ATP8B4: variants seen among roughly 807,000 people sequenced by gnomAD.
ATP8B4 encodes the protein probable phospholipid-transporting ATPase IM.
In ATP8B4, 133 loss-of-function variants were observed where a neutral mutation model predicts 145.6. That is an observed-to-expected ratio of 0.91 (90% CI 0.79 to 1.05). The LOEUF is 1.05. Ranked by LOEUF, ATP8B4 falls within the 50% of genes least tolerant of loss-of-function variation. The pLI is 0.00. For missense variants in ATP8B4, 1,458 were observed against 1,425.2 expected (o/e 1.02, Z -0.37); for synonymous variants, 507 against 492.9 (o/e 1.03, Z -0.38).
intron 9 of ATP8B4, among the ~76,000 whole-genome samples, chr15:49,992,304 C>T (rs1431609100): frequency 6.6e-6 from 1 of 152,114 alleles, no homozygotes; most frequent in South Asian, 2.1e-4. Flanking sequence ...AGGGATGAGC[C>T]CTTGTTCAAG....
intron 23 of ATP8B4, chr15:49,880,111 C>T (rs187819148): frequency 3.9e-5 from 6 of 152,280 alleles, no homozygotes; most frequent in Admixed American, 3.9e-4. Context: ...GAAACAGAAC[C>T]TTTCGGTTAC....
At chr15:49,876,576 C>G in intron 24 of ATP8B4, 53 bp from the exon 25 acceptor site, 4 of 1,602,350 alleles carry the variant, frequency 2.5e-6, no homozygotes, top group Non-Finnish European at 3.4e-6. Flanking sequence ...GTCAGAGAGG[C>G]CTTGTATTCC....
At chr15:49,998,098 A>G (rs2413998) in intron 8 of ATP8B4, among the ~76,000 whole-genome samples, 10,190 of 152,250 alleles carry the variant, frequency 0.067, 528 homozygotes, top group African/African-American at 0.14. Context: ...TACGTCATGT[A>G]ATTTATCAAA....
At position 50,038,822 on chromosome 15, in the gene ATP8B4, T is replaced by C. The variant is rs1272093101; in HGVS notation, c.308A>G (p.His103Arg). ...ATTATTCACTTGATTATCACTCTTG[T>C]GGCGAAACTGAAAAATCAAAGTGTT... ...VKDATDDYFRHKSDNQVNNRQ... is the reference protein window; with the variant it reads ...VKDATDDYFRRKSDNQVNNRQ... Residue 103 changes from histidine (H) to arginine (R), a missense_variant, in exon 6 of 28, where the codon CAC becomes CGC. By Grantham distance (29) the His-to-Arg change is conservative (BLOSUM62 0). Transcript: ENST00000284509. The C allele has an allele frequency of 6.2e-6, 10 of 1,613,430 alleles. No homozygotes were observed. Among genetic ancestry groups the C allele is most frequent in the Non-Finnish European group, 7.6e-6 (9 of 1,179,542 alleles).
chr15:49,912,584 C>T (rs1257933201), intron 20 of ATP8B4, among the ~76,000 whole-genome samples: 2 of 151,974 alleles, frequency 1.3e-5, no homozygotes, highest in African/African-American at 4.8e-5. Flanking sequence ...CAGATTCTAC[C>T]AAACATGTAA....
Position 50,137,733 on chromosome 15 carries a change from G to A in ATP8B4, c.-42-30725C>T, listed in dbSNP as rs115994478. Among the ~76,000 whole-genome samples, 293 of 152,282 alleles carry A rather than the reference G, an allele frequency of 1.9e-3. 2 individuals carry two copies. The highest frequency in any genetic ancestry group is 6.5e-3 in the African/African-American group (271 of 41,546). On this transcript the variant is annotated intron_variant, in intron 1 of 3. Transcript: ENST00000558829. ...ACGATGCTTCTTCTTGTGAAGTGAC[G>A]CACATGATCCTTAGAGACATATACA...
intron 6 of ATP8B4, among the ~76,000 whole-genome samples, chr15:50,035,346 A>G (rs2050754805): frequency 6.6e-6 from 1 of 152,224 alleles, no homozygotes; most frequent in Non-Finnish European, 1.5e-5. Context: ...CTACATATAT[A>G]TTACATAATG....
chr15:50,004,559 T>C (rs1449107672), intron 7 of ATP8B4, among the ~76,000 whole-genome samples: 1 of 152,220 alleles, frequency 6.6e-6, no homozygotes, highest in African/African-American at 2.4e-5. Flanking sequence ...GTGTTTATGA[T>C]TCCAAATAAC....
At chr15:50,093,627 C>A (rs1164433660) in intron 2 of ATP8B4, among the ~76,000 whole-genome samples, 2 of 151,868 alleles carry the variant, frequency 1.3e-5, no homozygotes, top group East Asian at 3.9e-4. Context: ...TAAGATAATG[C>A]ATTTATTTTA....
At chr15:50,097,539 T>A (rs1264050414) in intron 2 of ATP8B4, among the ~76,000 whole-genome samples, 1 of 152,210 alleles carries the variant, frequency 6.6e-6, no homozygotes, top group African/African-American at 2.4e-5. Flanking sequence ...AGCAGGTATA[T>A]AAACTTCAAC....
intron 25 of ATP8B4, among the ~76,000 whole-genome samples, chr15:49,869,429 A>T (rs2153383197): frequency 6.6e-6 from 1 of 152,248 alleles, no homozygotes; most frequent in East Asian, 1.9e-4. Flanking sequence ...ATTGGCCCAG[A>T]TTATGTATCA....
Position 50,148,752 on chromosome 15 carries a change from G to A in ATP8B4, c.-43+33509C>T, listed in dbSNP as rs139939418. The stretch of plus-strand genomic sequence containing the variant: ...AACACAGATATTATTGAAGTAATTC[G>A]AAAACTGAATAAGAATTCATATTAG... On this transcript the variant is annotated intron_variant, in intron 1 of 3. Coordinates refer to the ATP8B4 transcript ENST00000558829. 7.2e-3 allele frequency among the ~76,000 whole-genome samples: 1,093 copies of A among 152,170 alleles called. 8 individuals carry two copies. The highest frequency in any genetic ancestry group is 0.025 in the African/African-American group (1,026 of 41,506).
intron 13 of ATP8B4, among the ~76,000 whole-genome samples, chr15:49,969,967 A>T (rs374507297): frequency 1.1e-4 from 17 of 152,342 alleles, no homozygotes; most frequent in Admixed American, 2.6e-4. Context: ...GTGGTTCAAC[A>T]TATGCAAACC....
intron 14 of ATP8B4, among the ~76,000 whole-genome samples, chr15:49,953,200 G>T (rs2043251565): frequency 6.6e-6 from 1 of 151,996 alleles, no homozygotes; most frequent in Non-Finnish European, 1.5e-5. Flanking sequence ...GTGGCATGGG[G>T]AGCAGGACCC....
At chr15:50,063,774 G>A (rs374942147) in intron 3 of ATP8B4, among the ~76,000 whole-genome samples, 1 of 152,082 alleles carries the variant, frequency 6.6e-6, no homozygotes, top group Non-Finnish European at 1.5e-5. Flanking sequence ...AGGAATAGCA[G>A]GTGATTTTCC....
chr15:50,067,495 C>T (rs2053461919), intron 3 of ATP8B4, among the ~76,000 whole-genome samples: 1 of 152,172 alleles, frequency 6.6e-6, no homozygotes, highest in South Asian at 2.1e-4. Context: ...TTCCCACTTC[C>T]TCTGGCAAAA....
intron 14 of ATP8B4, among the ~76,000 whole-genome samples, chr15:49,953,894 TCA>T (rs1181949929): frequency 1.3e-5 from 2 of 152,190 alleles, no homozygotes; most frequent in African/African-American, 4.8e-5. Context: ...GGTAGCGTGC[TCA>T]CTCACTGCCT....
At chr15:49,956,086 C>T (rs1281545853) in intron 14 of ATP8B4, among the ~76,000 whole-genome samples, 1 of 152,054 alleles carries the variant, frequency 6.6e-6, no homozygotes, top group Non-Finnish European at 1.5e-5. Context: ...AATATGATCC[C>T]TATTAAGGGA....
chr15:50,088,142 C>G (rs939740290), intron 2 of ATP8B4, among the ~76,000 whole-genome samples: 2 of 152,104 alleles, frequency 1.3e-5, no homozygotes, highest in Non-Finnish European at 2.9e-5. Context: ...AATCCCAGCA[C>G]TTTAGGAGGC....
Sources: gnomAD v4.1 joint callset for allele counts (sites outside exome capture counted in the v4.1 genomes callset) on GRCh38, gnomAD v4.1.1 for gene constraint, MANE v1.5 for transcripts, NCBI Gene and HGNC (gene_info 2026-07-23, HGNC 2026-07-21) for gene names.